The following FAR1 variants were observed in gnomAD, a reference collection of about 807,000 sequenced individuals.
FAR1 encodes male sterility domain-containing protein 2.
FAR1 carries 22 observed loss-of-function variants against 61.1 expected under a neutral mutation model. The observed-to-expected ratio is 0.36, with a 90% CI of 0.26 to 0.51. The LOEUF is 0.51. FAR1 is among the 20% of genes least tolerant of loss of function. The pLI is 0.95. For synonymous variants in FAR1, 206 were observed against 209.7 expected, an observed-to-expected ratio of 0.98 and a Z score of 0.15; for missense variants, 359 against 626.9, an observed-to-expected ratio of 0.57 and a Z score of 4.56.
At chr11:13,714,438 C>A in intron 8 of FAR1, 71 bp from the exon 9 acceptor site, 1 of 1,423,560 alleles carries the variant, frequency 7.0e-7, no homozygotes, top group Non-Finnish European at 9.5e-7. Context: ...ATTATAAAAA[C>A]ATGATTTTTT....
intron 1 of FAR1, among the ~76,000 whole-genome samples, chr11:13,676,814 C>T (rs1238050401): frequency 6.6e-6 from 1 of 152,162 alleles, no homozygotes; most frequent in Non-Finnish European, 1.5e-5. Context: ...AAGTGATACC[C>T]TTGTGACCTG....
chr11:13,683,629 C>T (rs963982495), intron 1 of FAR1, among the ~76,000 whole-genome samples: 3 of 152,000 alleles, frequency 2.0e-5, no homozygotes, highest in African/African-American at 7.3e-5. Flanking sequence ...GATCCTCCTG[C>T]CTGGGCTCCC....
chr11:13,718,559 T>C (rs1319439653), intron 9 of FAR1, among the ~76,000 whole-genome samples: 1 of 152,218 alleles, frequency 6.6e-6, no homozygotes, highest in Non-Finnish European at 1.5e-5. Context: ...GTTTACCACT[T>C]GACCCTGAAG....
chr11:13,725,370 G>T (rs1329430384), intron 10 of FAR1, among the ~76,000 whole-genome samples: 1 of 151,426 alleles, frequency 6.6e-6, no homozygotes, highest in Non-Finnish European at 1.5e-5. Context: ...AGCCACTTAG[G>T]TGATATATAG....
chr11:13,669,147 G>C (rs953541700), intron 1 of FAR1, among the ~76,000 whole-genome samples: 6 of 152,218 alleles, frequency 3.9e-5, no homozygotes, highest in Non-Finnish European at 8.8e-5. Flanking sequence ...TAGCCGAGCA[G>C]CGGGCTCCGC....
rs941431740 is a variant in FAR1, at chr11:13,678,850, G to A, written c.-8+10044G>A. ...ACCACAAATGCTGCCTTGGAGGACT[G>A]AGTCCTGTTTTTAGGTTCAGGCTTG... On this transcript the variant is annotated intron_variant, in intron 1 of 11. Coordinates refer to ENST00000354817, the MANE Select transcript of FAR1 (RefSeq NM_032228.6). Among the ~76,000 whole-genome samples, 3 of 152,142 alleles carry A rather than the reference G, an allele frequency of 2.0e-5. No homozygotes were observed. The South Asian group carries it at 6.2e-4, about 32-fold the overall frequency.
intron 3 of FAR1, among the ~76,000 whole-genome samples, chr11:13,707,531 A>G (rs775128113): frequency 2.2e-4 from 33 of 152,156 alleles, no homozygotes; most frequent in Non-Finnish European, 3.7e-4. Flanking sequence ...TCCCTGTGGC[A>G]CATCCATATT....
chr11:13,707,430 T>A (rs1848444786), intron 3 of FAR1, among the ~76,000 whole-genome samples: 1 of 152,200 alleles, frequency 6.6e-6, no homozygotes, highest in South Asian at 2.1e-4. Flanking sequence ...GTTAATATAA[T>A]TTAATGTTTC....
intron 3 of FAR1, among the ~76,000 whole-genome samples, chr11:13,705,603 A>T (rs920758717): frequency 6.6e-6 from 1 of 152,118 alleles, no homozygotes; most frequent in Admixed American, 6.6e-5. Flanking sequence ...AGTCTAGTGG[A>T]CAGTATCCTC....
chr11:13,673,005 A>G (rs1848027399), intron 1 of FAR1, among the ~76,000 whole-genome samples: 1 of 152,196 alleles, frequency 6.6e-6, no homozygotes, highest in African/African-American at 2.4e-5. Flanking sequence ...TGGGTTTGCA[A>G]CAGGCTTAGA....
intron 1 of FAR1, among the ~76,000 whole-genome samples, chr11:13,692,126 C>CA (rs1202063791): frequency 6.6e-6 from 1 of 152,202 alleles, no homozygotes; most frequent in Admixed American, 6.5e-5. Context: ...GAGATTGTGT[C>CA]ACTGCACTTC....
Position 13,670,543 on chromosome 11 carries a change from C to T in FAR1, c.-8+1737C>T, listed in dbSNP as rs144777292. Among the ~76,000 whole-genome samples the T allele has an allele frequency of 1.6e-4, 24 of 152,272 alleles. No homozygotes were observed. In the East Asian group the frequency reaches 4.5e-3, roughly 28 times the overall value. Reference sequence around the variant, plus strand: ...CTGACTTCAAGAGATCCATCCGCCTCGGCCTCCCAAAGTGCTGGGATTACA... The same window carrying T: ...CTGACTTCAAGAGATCCATCCGCCTTGGCCTCCCAAAGTGCTGGGATTACA... On this transcript the variant is annotated intron_variant, in intron 1 of 11. Transcript: ENST00000354817.
At chr11:13,702,742 CTTCA>C (rs1238022779) in intron 3 of FAR1, among the ~76,000 whole-genome samples, 1 of 152,114 alleles carries the variant, frequency 6.6e-6, no homozygotes, top group Non-Finnish European at 1.5e-5. Flanking sequence ...GTAGTATAGT[CTTCA>C]TTGACTTAAC....
In FAR1 at chr11:13,669,049, A is replaced by C. The variant is rs938997835; in HGVS notation, c.-8+243A>C. ...AGGGCCGGGACCGCGTGGGGGACGT[A>C]CGGTGGGGCCTGGTTTGCAGCCGCG... On this transcript the variant is annotated intron_variant, in intron 1 of 11. Transcript: ENST00000354817. Among the ~76,000 whole-genome samples, 3 of 152,048 alleles carry C rather than the reference A, an allele frequency of 2.0e-5. No homozygotes were observed. In the South Asian group the frequency reaches 6.2e-4, roughly 31 times the overall value.
intron 2 of FAR1, among the ~76,000 whole-genome samples, chr11:13,695,941 T>C (rs1848302692): frequency 6.6e-6 from 1 of 152,218 alleles, no homozygotes; most frequent in Non-Finnish European, 1.5e-5. Flanking sequence ...ATTATTATAC[T>C]TTTAAATTAT....
At chr11:13,723,234 A>G in intron 10 of FAR1, 1 of 279,492 alleles carries the variant, frequency 3.6e-6, no homozygotes, top group Non-Finnish European at 7.0e-6. Context: ...GCATGGTGAC[A>G]TGTGCCTGTA....
rs10047421 is a variant in FAR1, at chr11:13,679,940, G to C, written c.-8+11134G>C. Among the ~76,000 whole-genome samples, 1,312 of 152,086 alleles carry C rather than the reference G, an allele frequency of 8.6e-3. 10 individuals carry two copies. Among genetic ancestry groups the C allele is most frequent in the Middle Eastern group, 0.02 (6 of 294 alleles). The stretch of plus-strand genomic sequence containing the variant: ...TTCCTTACTACCGAGAAGTGCCTTG[G>C]GGGGAAGTATTGGGGAAAATAGGAT... On this transcript the variant is annotated intron_variant, in intron 1 of 11. Transcript: ENST00000354817.
At position 13,714,906 on chromosome 11, in the gene FAR1, C is replaced by A. The variant is rs16913029; in HGVS notation, c.1127+226C>A. Among the ~76,000 whole-genome samples, 1,850 of 152,252 alleles carry A rather than the reference C, an allele frequency of 0.012. 35 individuals carry two copies. The highest frequency in any genetic ancestry group is 0.041 in the African/African-American group (1,724 of 41,546). On this transcript the variant is annotated intron_variant, in intron 9 of 11. Coordinates refer to ENST00000354817, the MANE Select transcript of FAR1 (RefSeq NM_032228.6). ...ATAAGTTATTGTCATGTATTGAATT[C>A]TAAGTCTTACTTTAGGCTTCTTTCT...
At chr11:13,690,599 C>A (rs1005466854) in intron 1 of FAR1, among the ~76,000 whole-genome samples, 2 of 152,144 alleles carry the variant, frequency 1.3e-5, no homozygotes, top group Admixed American at 1.3e-4. Flanking sequence ...ATTGACTCTG[C>A]ACCATTCTCT....
Sources: allele counts gnomAD v4.1 joint callset (sites outside exome capture counted in the v4.1 genomes callset), GRCh38; gene constraint gnomAD v4.1.1; transcripts MANE v1.5; gene names NCBI Gene and HGNC (gene_info 2026-07-23, HGNC 2026-07-21).